Variants in NEK11 observed in about 807,000 individuals in gnomAD.
NEK11 encodes serine/threonine-protein kinase Nek11.
Under a neutral mutation model 80.7 loss-of-function variants are expected in NEK11, and 72 were observed. That is an observed-to-expected ratio of 0.89 (90% CI 0.74 to 1.08). NEK11 has a LOEUF of 1.08. NEK11 is among the 50% of genes least tolerant of loss of function. The pLI is 0.00. For missense variants in NEK11, 764 were observed against 763.6 expected (o/e 1.00, Z -0.01); for synonymous variants, 251 against 260.7 (o/e 0.96, Z 0.36).
At chr3:131,230,293 T>C (rs2095305448) in intron 15 of NEK11, among the ~76,000 whole-genome samples, 1 of 152,182 alleles carries the variant, frequency 6.6e-6, no homozygotes. Flanking sequence ...GCACTTAGAA[T>C]ATAGGGTTGG....
At chr3:131,172,466 T>C (rs1560783935) in intron 14 of NEK11, among the ~76,000 whole-genome samples, 2 of 152,238 alleles carry the variant, frequency 1.3e-5, no homozygotes, top group Admixed American at 1.3e-4. Context: ...GACAAGCACC[T>C]GAAGCTCTTT....
rs115290036 is a variant in NEK11, at chr3:131,144,759, C to A, written c.648-7629C>A. The stretch of plus-strand genomic sequence containing the variant: ...CCCATTCCAGGTAGGTGCACTGGGA[C>A]CACTATAGCAGGTCCGTTTCCACAA... On this transcript the variant is annotated intron_variant, in intron 7 of 17. Transcript: ENST00000383366. Among the ~76,000 whole-genome samples, 554 of 152,212 alleles carry A rather than the reference C, an allele frequency of 3.6e-3. 1 individual carries two copies. Among genetic ancestry groups the A allele is most frequent in the African/African-American group, 0.013 (537 of 41,542 alleles).
chr3:131,119,548 CT>C (rs2149449392), intron 5 of NEK11, among the ~76,000 whole-genome samples: 1 of 152,226 alleles, frequency 6.6e-6, no homozygotes, highest in South Asian at 2.1e-4. Context: ...TCTTGTTGTT[CT>C]GCCTAATGTT....
At chr3:131,244,154 A>T (rs947737656) in intron 16 of NEK11, among the ~76,000 whole-genome samples, 51 of 152,178 alleles carry the variant, frequency 3.4e-4, no homozygotes, top group African/African-American at 1.2e-3. Context: ...TAAACTCTAA[A>T]CCAAAAGCAA....
chr3:131,062,648 G>GT (rs1327414391), intron 3 of NEK11, among the ~76,000 whole-genome samples: 8 of 152,146 alleles, frequency 5.3e-5, no homozygotes, highest in Non-Finnish European at 2.9e-5. Flanking sequence ...CTTTTCTAGC[G>GT]TTTTGAATAA....
chr3:131,074,295 T>G (rs558006546), intron 3 of NEK11, among the ~76,000 whole-genome samples: 7 of 152,188 alleles, frequency 4.6e-5, no homozygotes, highest in Admixed American at 3.3e-4. Context: ...GCTTAAATAT[T>G]TTTTGGAAAA....
chr3:131,236,909 G>A (rs991587366), intron 15 of NEK11, among the ~76,000 whole-genome samples: 1 of 152,216 alleles, frequency 6.6e-6, no homozygotes, highest in Admixed American at 6.5e-5. Flanking sequence ...AGATGTGAAA[G>A]GTACATCTGA....
chr3:131,120,768 G>T (rs2082231763), intron 5 of NEK11, among the ~76,000 whole-genome samples: 1 of 152,092 alleles, frequency 6.6e-6, no homozygotes, highest in Non-Finnish European at 1.5e-5. Context: ...ACTTGATCAA[G>T]TCAGCTACTG....
chr3:131,170,073 T>C (rs1475622653), intron 13 of NEK11, among the ~76,000 whole-genome samples: 2 of 152,208 alleles, frequency 1.3e-5, no homozygotes, highest in Non-Finnish European at 2.9e-5. Flanking sequence ...AACTTTCTTT[T>C]AAATTTTCTT....
At chr3:131,203,051 C>G (rs1387473415) in intron 14 of NEK11, among the ~76,000 whole-genome samples, 1 of 152,124 alleles carries the variant, frequency 6.6e-6, no homozygotes, top group African/African-American at 2.4e-5. Context: ...ACTAGAAATA[C>G]CATTTGACCC....
chr3:131,284,703 A>C (rs1373745719), intron 17 of NEK11, among the ~76,000 whole-genome samples: 1 of 152,216 alleles, frequency 6.6e-6, no homozygotes, highest in Non-Finnish European at 1.5e-5. Flanking sequence ...ACGTGGAAGG[A>C]CTAGACTGGC....
intron 14 of NEK11, among the ~76,000 whole-genome samples, chr3:131,175,421 A>G (rs1318507789): frequency 6.6e-6 from 1 of 152,256 alleles, no homozygotes; most frequent in Non-Finnish European, 1.5e-5. Flanking sequence ...GACACTGAAA[A>G]GGAACACACA....
intron 14 of NEK11, among the ~76,000 whole-genome samples, chr3:131,226,461 G>A (rs1346480863): frequency 1.3e-5 from 2 of 152,084 alleles, no homozygotes; most frequent in Non-Finnish European, 1.5e-5. Context: ...TAAAGAAAAT[G>A]TGGCATATAT....
At chr3:131,334,672 T>A (rs1000416100) in intron 17 of NEK11, among the ~76,000 whole-genome samples, 2 of 151,600 alleles carry the variant, frequency 1.3e-5, no homozygotes, top group African/African-American at 4.9e-5. Flanking sequence ...AATTAATGAA[T>A]CCAGGAGCTG....
chr3:131,267,895 A>G (rs2096093453), intron 16 of NEK11, among the ~76,000 whole-genome samples: 1 of 151,910 alleles, frequency 6.6e-6, no homozygotes, highest in Non-Finnish European at 1.5e-5. Flanking sequence ...ACTCCTCATC[A>G]CTTTCAGGTA....
chr3:131,332,189 CT>C (rs1452650956), intron 17 of NEK11, among the ~76,000 whole-genome samples: 2 of 152,226 alleles, frequency 1.3e-5, no homozygotes, highest in African/African-American at 4.8e-5. Flanking sequence ...CCCCTGACCC[CT>C]GAGCAACCTA....
chr3:131,139,502 C>G (rs898452017), intron 7 of NEK11, among the ~76,000 whole-genome samples: 7 of 151,940 alleles, frequency 4.6e-5, no homozygotes, highest in African/African-American at 1.5e-4. Context: ...AGAGAACTTC[C>G]TGAATCTAGA....
intron 17 of NEK11, among the ~76,000 whole-genome samples, chr3:131,323,872 T>G (rs1275038671): frequency 1.3e-5 from 2 of 152,196 alleles, no homozygotes; most frequent in African/African-American, 4.8e-5. Context: ...CAAGGCACTT[T>G]TGAGAGTAGA....
intron 3 of NEK11, among the ~76,000 whole-genome samples, chr3:131,056,920 G>C (rs2069619822): frequency 6.6e-6 from 1 of 151,616 alleles, no homozygotes; most frequent in Non-Finnish European, 1.5e-5. Context: ...AAGTTTTAGG[G>C]TACATGTGCA....
Sources: gnomAD v4.1 joint callset for allele counts (sites outside exome capture counted in the v4.1 genomes callset) on GRCh38, gnomAD v4.1.1 for gene constraint, MANE v1.5 for transcripts, NCBI Gene and HGNC (gene_info 2026-07-23, HGNC 2026-07-21) for gene names.